CASK: variants seen among roughly 807,000 people sequenced by gnomAD.
CASK encodes the protein peripheral plasma membrane protein CASK.
In CASK, 4 loss-of-function variants were observed where a neutral mutation model predicts 82.9. That is an observed-to-expected ratio of 0.05 (90% CI 0.02 to 0.11). The LOEUF (loss-of-function observed/expected upper bound fraction) is 0.11, where lower values mean the gene tolerates loss of function less well. CASK is among the 10% of genes least tolerant of loss of function. CASK has a pLI of 1.00. For synonymous variants in CASK, 259 were observed against 253.5 expected (o/e 1.02, Z -0.20); for missense variants, 358 against 720.9 (o/e 0.50, Z 5.76).
intron 2 of CASK, among the ~76,000 whole-genome samples, chrX:41,809,964 T>C (rs778969376): frequency 8.9e-6 from 1 of 112,407 alleles, no homozygotes; most frequent in South Asian, 3.7e-4. Context: ...GTAGCCGATT[T>C]GATCAACTGG....
intron 16 of CASK, 22 bp downstream of exon 16, chrX:41,569,646 A>C: frequency 2.8e-6 from 3 of 1,070,734 alleles, no homozygotes; most frequent in Non-Finnish European, 3.9e-6. Context: ...AAGGCAAAGA[A>C]AGAAATATAT....
chrX:41,559,113 C>G (rs1243166048), intron 18 of CASK: 1 of 112,165 alleles, frequency 8.9e-6, no homozygotes, highest in Non-Finnish European at 1.9e-5. Flanking sequence ...TAACAACCAA[C>G]ACAAAACTGA....
At chrX:41,719,345 A>G (rs952000667) in intron 5 of CASK, among the ~76,000 whole-genome samples, 1 of 112,152 alleles carries the variant, frequency 8.9e-6, no homozygotes, top group African/African-American at 3.2e-5. Context: ...TGAAGTTACT[A>G]GCGGAATTTA....
intron 5 of CASK, among the ~76,000 whole-genome samples, chrX:41,733,270 T>C (rs1047386152): frequency 1.8e-5 from 2 of 110,086 alleles, no homozygotes; most frequent in Non-Finnish European, 3.8e-5. Context: ...TCTTTTTTTG[T>C]AGGAGTAGGC....
At chrX:41,530,512 G>A (rs1327917793) in intron 25 of CASK, among the ~76,000 whole-genome samples, 1 of 111,921 alleles carries the variant, frequency 8.9e-6, no homozygotes, top group African/African-American at 3.2e-5. Flanking sequence ...TGCTGTCTCT[G>A]ACATCTGGGC....
intron 3 of CASK, among the ~76,000 whole-genome samples, chrX:41,768,496 C>A: frequency 9.0e-6 from 1 of 110,734 alleles, no homozygotes; most frequent in Non-Finnish European, 1.9e-5. Context: ...ATACTGCTGT[C>A]TTCAACTCTA....
chrX:41,875,179 A>C (rs1264826367), intron 1 of CASK, among the ~76,000 whole-genome samples: 1 of 112,341 alleles, frequency 8.9e-6, no homozygotes, highest in Non-Finnish European at 1.9e-5. Flanking sequence ...TTAAAAAGTG[A>C]AATTCTGCAT....
chrX:41,672,472 C>T (rs1398103450), intron 5 of CASK, among the ~76,000 whole-genome samples: 1 of 111,474 alleles, frequency 9.0e-6, no homozygotes, highest in Non-Finnish European at 1.9e-5. Context: ...GTAAAAAAAG[C>T]AAGTCTCTTT....
chrX:41,668,600 T>A (rs1031678862), intron 6 of CASK, among the ~76,000 whole-genome samples: 6 of 111,769 alleles, frequency 5.4e-5, no homozygotes, highest in African/African-American at 2.0e-4. Context: ...AGTGTAAATA[T>A]GTTTAAATGA....
chrX:41,658,410 G>A (rs1354787056), intron 8 of CASK, among the ~76,000 whole-genome samples: 1 of 111,791 alleles, frequency 8.9e-6, no homozygotes, highest in African/African-American at 3.3e-5. Context: ...CTATCTCCAG[G>A]TAGATAGTGT....
Position 41,569,758 on chromosome X carries a change from A to T in CASK, c.1504-12T>A. On this transcript the variant is annotated splice_polypyrimidine_tract_variant and intron_variant, in intron 15 of 26. Transcript: ENST00000378163. ...TTTAAAGTGATTCCCTGTTAAAAAA[A>T]AAATAAAAAGTTCAGCAAAAGTAGA... 3 of 1,045,615 alleles carry T rather than the reference A, an allele frequency of 2.9e-6. No individual in the cohort carries two copies. The highest frequency in any genetic ancestry group is 4.0e-6 in the Non-Finnish European group (3 of 750,333). The allele number at this position is 1,045,615 out of a possible 1,213,427, so 86.2% of individuals were successfully genotyped here.
intron 1 of CASK, among the ~76,000 whole-genome samples, chrX:41,876,379 A>C (rs1232960859): frequency 9.0e-6 from 1 of 111,621 alleles, no homozygotes; most frequent in Non-Finnish European, 1.9e-5. Context: ...GGTCCTAAAA[A>C]TTCCAGATCC....
At chrX:41,523,057 A>G (rs1263404020) in intron 26 of CASK, 1 of 112,479 alleles carries the variant, frequency 8.9e-6, no homozygotes, top group African/African-American at 3.2e-5. Context: ...GCAGGAAAAC[A>G]GGCAAAACAA....
At chrX:41,522,934 G>T (rs2064658847) in intron 26 of CASK, 1 of 112,535 alleles carries the variant, frequency 8.9e-6, no homozygotes, top group Admixed American at 9.4e-5. Context: ...GGAACAAAGT[G>T]TCTACATTCT....
chrX:41,652,497 T>C (rs972213498), intron 8 of CASK, among the ~76,000 whole-genome samples: 3 of 111,958 alleles, frequency 2.7e-5, no homozygotes, highest in Non-Finnish European at 5.6e-5. Context: ...GACTGACTGA[T>C]GGCTGGCAGC....
intron 15 of CASK, among the ~76,000 whole-genome samples, chrX:41,572,730 G>T (rs913541592): frequency 5.4e-5 from 6 of 111,955 alleles, no homozygotes; most frequent in African/African-American, 1.9e-4. Context: ...ATAAGAAAAA[G>T]AACTTATAGA....
intron 3 of CASK, among the ~76,000 whole-genome samples, chrX:41,775,238 A>G (rs1199926562): frequency 9.0e-6 from 1 of 111,083 alleles, no homozygotes; most frequent in Non-Finnish European, 1.9e-5. Context: ...ATGAACAGAC[A>G]CTTCTCAAAA....
intron 3 of CASK, among the ~76,000 whole-genome samples, chrX:41,786,621 A>C (rs937717656): frequency 2.7e-5 from 3 of 110,937 alleles, no homozygotes; most frequent in African/African-American, 9.8e-5. Flanking sequence ...CTTTGGACAC[A>C]ATCATCCGAC....
chrX:41,896,148 A>T (rs188392960), intron 1 of CASK, among the ~76,000 whole-genome samples: 95 of 111,883 alleles, frequency 8.5e-4, no homozygotes, highest in African/African-American at 2.9e-3. Flanking sequence ...TATTACTCCC[A>T]AACTCCCTCC....
Sources: allele counts gnomAD v4.1 joint callset (sites outside exome capture counted in the v4.1 genomes callset), GRCh38; gene constraint gnomAD v4.1.1; transcripts MANE v1.5; gene names NCBI Gene and HGNC (gene_info 2026-07-23, HGNC 2026-07-21).